LRP2: variants seen among roughly 807,000 people sequenced by gnomAD.
LRP2 encodes the protein LDL receptor related protein 2.
Under a neutral mutation model 531.0 loss-of-function variants are expected in LRP2, and 172 were observed. The observed-to-expected ratio is 0.32, with a 90% CI of 0.29 to 0.37. LRP2 has a LOEUF of 0.37. LRP2 is among the 10% of genes least tolerant of loss of function. The pLI, the probability that LRP2 is intolerant of heterozygous loss-of-function variation, is 1.00. For synonymous variants in LRP2, 1,992 were observed against 2,027.6 expected (o/e 0.98, Z 0.47); for missense variants, 5,167 against 5,868.3 (o/e 0.88, Z 3.90).
chr2:169,197,174 T>G (rs977551387), intron 45 of LRP2, 144 bp from the exon 46 acceptor site: 2 of 938,012 alleles, frequency 2.1e-6, no homozygotes, highest in Non-Finnish European at 3.3e-6. Context: ...TTGTGTAAGC[T>G]TTCTGTGGGG....
intron 1 of LRP2, among the ~76,000 whole-genome samples, chr2:169,324,144 T>TA (rs1230396108): frequency 6.6e-6 from 1 of 152,200 alleles, no homozygotes; most frequent in Non-Finnish European, 1.5e-5. Flanking sequence ...ATGAAATAGA[T>TA]ACTGTTATTA....
At position 169,259,569 on chromosome 2, in the gene LRP2, C is replaced by T. The variant is rs115229190; in HGVS notation, c.2321-352G>A. Among the ~76,000 whole-genome samples, 1,048 of 151,964 alleles carry T rather than the reference C, an allele frequency of 6.9e-3. 15 individuals are homozygous for T. The highest frequency in any genetic ancestry group is 0.024 in the African/African-American group (1,009 of 41,472). On this transcript the variant is annotated intron_variant, in intron 16 of 78. Transcript: ENST00000649046. ...AGAGATACCTGAGTTCACCTACTAC[C>T]ACCCGGAGACGGCTCTGATAAGCTG...
At chr2:169,138,056 C>G (rs1294483421) in intron 75 of LRP2, among the ~76,000 whole-genome samples, 2 of 152,080 alleles carry the variant, frequency 1.3e-5, no homozygotes. Context: ...ACCTGTTTTA[C>G]AAATAGGGAC....
intron 9 of LRP2, among the ~76,000 whole-genome samples, chr2:169,285,029 C>A (rs1187562634): frequency 6.6e-6 from 1 of 152,040 alleles, no homozygotes; most frequent in African/African-American, 2.4e-5. Flanking sequence ...AATGAGTGGG[C>A]CAGGCACAGT....
At chr2:169,181,348 G>C in intron 52 of LRP2, 100 bp downstream of exon 52, 6 of 1,189,322 alleles carry the variant, frequency 5.0e-6, no homozygotes, top group Non-Finnish European at 6.2e-6. Context: ...CAACAGACAG[G>C]CCAGTTAGAC....
intron 10 of LRP2, among the ~76,000 whole-genome samples, chr2:169,281,777 T>C (rs1335298140): frequency 6.6e-6 from 1 of 151,874 alleles, no homozygotes; most frequent in Non-Finnish European, 1.5e-5. Context: ...AATAACTTCA[T>C]GTGCTGAAAT....
intron 31 of LRP2, among the ~76,000 whole-genome samples, chr2:169,228,971 T>C (rs1689301860): frequency 6.6e-6 from 1 of 152,118 alleles, no homozygotes; most frequent in Non-Finnish European, 1.5e-5. Flanking sequence ...GTAACAAAAA[T>C]GGATATTGGA....
In LRP2 at chr2:169,139,592, G is replaced by A. The variant is rs780040199; in HGVS notation, c.13218C>T (p.Thr4406=). The A allele has an allele frequency of 1.7e-5, 27 of 1,614,156 alleles. No individual in the cohort carries two copies. Among genetic ancestry groups the A allele is most frequent in the Non-Finnish European group, 2.2e-5 (26 of 1,180,022 alleles). The part of the protein sequence containing the change: ...LPKCKCPSGY[T]GKYCEMAFSK... Reference sequence around the variant, plus strand: ...AAAACGCCATTTCACAATATTTTCCGGTGTAGCCGCTAGGACACCTGAAAG... The same window carrying A: ...AAAACGCCATTTCACAATATTTTCCAGTGTAGCCGCTAGGACACCTGAAAG... Residue 4406 remains threonine (T), a synonymous_variant, in exon 73 of 79, where the codon ACC becomes ACT. Transcript: ENST00000649046.
chr2:169,140,665 G>C, intron 71 of LRP2, 120 bp from the exon 72 acceptor site: 3 of 695,846 alleles, frequency 4.3e-6, no homozygotes, highest in Non-Finnish European at 7.7e-6. Flanking sequence ...TAGTCTCCCT[G>C]TCAAAGCTTA....
chr2:169,208,224 T>A (rs1468071611), intron 38 of LRP2, among the ~76,000 whole-genome samples: 1 of 152,166 alleles, frequency 6.6e-6, no homozygotes, highest in Non-Finnish European at 1.5e-5. Flanking sequence ...CATAGCTGTG[T>A]TACAATAAAA....
intron 18 of LRP2, among the ~76,000 whole-genome samples, chr2:169,256,588 C>T (rs830959): frequency 0.53 from 80,755 of 151,796 alleles, 22,213 homozygotes; most frequent in South Asian, 0.75. Flanking sequence ...CATAAGTTAC[C>T]TTGGCATTTC....
intron 19 of LRP2, among the ~76,000 whole-genome samples, chr2:169,248,200 AT>A (rs1276950195): frequency 3.9e-5 from 6 of 152,226 alleles, no homozygotes; most frequent in Non-Finnish European, 8.8e-5. Flanking sequence ...AACAACAAAA[AT>A]TTAATCATGT....
At chr2:169,179,751 C>T (rs531455224) in intron 52 of LRP2, among the ~76,000 whole-genome samples, 14 of 151,716 alleles carry the variant, frequency 9.2e-5, no homozygotes, top group African/African-American at 3.4e-4. Context: ...GAACTACAGG[C>T]ACAGCTCCAG....
intron 16 of LRP2, among the ~76,000 whole-genome samples, chr2:169,260,543 G>T (rs1433954420): frequency 6.6e-6 from 1 of 152,066 alleles, no homozygotes; most frequent in East Asian, 1.9e-4. Context: ...GTTTAGAGGT[G>T]ATTGTAGGAT....
chr2:169,177,655 C>T lies in LRP2; in HGVS notation c.10393+148G>A. 3 of 776,784 alleles carry T rather than the reference C, an allele frequency of 3.9e-6. 1 individual carries two copies. The Admixed American group carries it at 5.3e-5, about 14-fold the overall frequency. 48.1% of individuals were successfully genotyped at this position (776,784 alleles called of 1,614,324 possible). On this transcript the variant is annotated intron_variant, in intron 53 of 78. Transcript: ENST00000649046. ...GGGGGATAAACTCTAAAGATATTTG[C>T]CTACTGTCAACTTTCAGCATATGCT...
intron 3 of LRP2, among the ~76,000 whole-genome samples, chr2:169,308,963 C>T (rs903017544): frequency 2.6e-5 from 4 of 152,150 alleles, no homozygotes; most frequent in Admixed American, 2.6e-4. Flanking sequence ...TTGCATTTCT[C>T]TGATGCTCAG....
At chr2:169,210,596 A>G (rs116480433) in intron 37 of LRP2, among the ~76,000 whole-genome samples, 4,872 of 152,316 alleles carry the variant, frequency 0.032, 106 homozygotes, top group Non-Finnish European at 0.047. Context: ...CTCAAAGACA[A>G]CAGGTCTGCC....
intron 77 of LRP2, 95 bp from the exon 78 acceptor site, chr2:169,129,179 G>C (rs547953217): frequency 3.3e-6 from 3 of 912,882 alleles, no homozygotes; most frequent in Non-Finnish European, 5.5e-6. Flanking sequence ...TCTTCTTACT[G>C]AAGGGTAAAG....
At chr2:169,129,571 T>TAAC (rs1348521051) in intron 77 of LRP2, among the ~76,000 whole-genome samples, 1 of 152,224 alleles carries the variant, frequency 6.6e-6, no homozygotes, top group Non-Finnish European at 1.5e-5. Flanking sequence ...ACAATAATAA[T>TAAC]AACAAAAACA....
Sources: allele counts gnomAD v4.1 joint callset (sites outside exome capture counted in the v4.1 genomes callset), GRCh38; gene constraint gnomAD v4.1.1; transcripts MANE v1.5; gene names NCBI Gene and HGNC (gene_info 2026-07-23, HGNC 2026-07-21).